FGF12: variants seen among roughly 807,000 people sequenced by gnomAD.
FGF12 encodes fibroblast growth factor 12.
A neutral mutation model predicts 23.6 loss-of-function variants in FGF12; 14 were observed. That is an observed-to-expected ratio of 0.59 (90% CI 0.39 to 0.93). The LOEUF (loss-of-function observed/expected upper bound fraction) is 0.93, where lower values mean the gene tolerates loss of function less well. Ranked by LOEUF, FGF12 falls within the 40% of genes least tolerant of loss-of-function variation. The pLI is 0.00. For missense variants in FGF12, 175 were observed against 217.8 expected, an observed-to-expected ratio of 0.80 and a Z score of 1.24; for synonymous variants, 62 against 77.3, an observed-to-expected ratio of 0.80 and a Z score of 1.04.
chr3:192,190,725 TC>T (rs1464149261), intron 4 of FGF12, among the ~76,000 whole-genome samples: 1 of 152,120 alleles, frequency 6.6e-6, no homozygotes, highest in Non-Finnish European at 1.5e-5. Flanking sequence ...TCCGCCCACC[TC>T]GGCCTCCCAA....
intron 2 of FGF12, among the ~76,000 whole-genome samples, chr3:192,568,376 C>T (rs1378297814): frequency 6.6e-6 from 1 of 152,150 alleles, no homozygotes; most frequent in Non-Finnish European, 1.5e-5. Context: ...ACATTATGGA[C>T]TCCTACCCTT....
At chr3:192,185,970 A>T (rs1466059889) in intron 4 of FGF12, among the ~76,000 whole-genome samples, 1 of 151,708 alleles carries the variant, frequency 6.6e-6, no homozygotes, top group Non-Finnish European at 1.5e-5. Flanking sequence ...AAAAAACATT[A>T]AAAAAATATA....
intron 2 of FGF12, among the ~76,000 whole-genome samples, chr3:192,592,639 T>C (rs1713676219): frequency 6.6e-6 from 1 of 151,876 alleles, no homozygotes; most frequent in Non-Finnish European, 1.5e-5. Flanking sequence ...GGATGCAGGA[T>C]ACTTCACAGG....
At chr3:192,691,811 G>A (rs1467954217) in intron 2 of FGF12, among the ~76,000 whole-genome samples, 2 of 147,912 alleles carry the variant, frequency 1.4e-5, no homozygotes, top group African/African-American at 2.4e-5. Flanking sequence ...AAAAAGACAC[G>A]AGATAAAAAA....
intron 2 of FGF12, among the ~76,000 whole-genome samples, chr3:192,517,523 C>G (rs1461458103): frequency 1.3e-5 from 2 of 152,080 alleles, no homozygotes; most frequent in Non-Finnish European, 2.9e-5. Flanking sequence ...TTCTTATGAC[C>G]AGAGAGGAAA....
chr3:192,453,298 C>G (rs548072320), intron 2 of FGF12, among the ~76,000 whole-genome samples: 1 of 152,266 alleles, frequency 6.6e-6, no homozygotes, highest in African/African-American at 2.4e-5. Flanking sequence ...AATTTGATCA[C>G]ATTTGAAAAT....
chr3:192,311,959 A>G (rs1043038899), intron 4 of FGF12, among the ~76,000 whole-genome samples: 1 of 151,596 alleles, frequency 6.6e-6, no homozygotes, highest in Admixed American at 6.6e-5. Flanking sequence ...CTATCTATCT[A>G]TCTATCTATC....
chr3:192,634,216 T>C (rs79978956), intron 2 of FGF12, among the ~76,000 whole-genome samples: 14,706 of 152,188 alleles, frequency 0.097, 904 homozygotes, highest in Non-Finnish European at 0.14. Flanking sequence ...CATATACACA[T>C]GCGCACATAC....
intron 2 of FGF12, among the ~76,000 whole-genome samples, chr3:192,412,049 T>A (rs1397312171): frequency 6.6e-6 from 1 of 152,078 alleles, no homozygotes; most frequent in East Asian, 1.9e-4. Flanking sequence ...GAAGTGGAAG[T>A]CTGTATGGGT....
intron 2 of FGF12, among the ~76,000 whole-genome samples, chr3:192,382,925 T>C (rs997711040): frequency 7.2e-5 from 11 of 152,170 alleles, no homozygotes; most frequent in African/African-American, 2.4e-4. Context: ...AGAGAACAGA[T>C]AGGAGGATGA....
chr3:192,722,606 C>G (rs565583897), intron 2 of FGF12, among the ~76,000 whole-genome samples: 1 of 152,228 alleles, frequency 6.6e-6, no homozygotes, highest in Non-Finnish European at 1.5e-5. Flanking sequence ...TTTCTGGGAG[C>G]CCTCCTGGTA....
intron 2 of FGF12, among the ~76,000 whole-genome samples, chr3:192,723,747 G>C (rs1429418685): frequency 1.3e-5 from 2 of 151,860 alleles, no homozygotes; most frequent in Non-Finnish European, 2.9e-5. Flanking sequence ...CATTTGAAAA[G>C]CTCTACAGGT....
At chr3:192,186,355 C>T (rs190009445) in intron 4 of FGF12, among the ~76,000 whole-genome samples, 42 of 152,284 alleles carry the variant, frequency 2.8e-4, no homozygotes, top group African/African-American at 8.7e-4. Flanking sequence ...TTCATGACTA[C>T]GTGGTGCCAC....
At chr3:192,302,950 A>C (rs750685119) in intron 4 of FGF12, among the ~76,000 whole-genome samples, 1 of 152,210 alleles carries the variant, frequency 6.6e-6, no homozygotes, top group Non-Finnish European at 1.5e-5. Flanking sequence ...ACAGGATTTT[A>C]AACATGGGAA....
At chr3:192,162,010 A>G (rs1169857567) in intron 5 of FGF12, among the ~76,000 whole-genome samples, 1 of 152,164 alleles carries the variant, frequency 6.6e-6, no homozygotes, top group Admixed American at 6.6e-5. Context: ...AACTCTATAA[A>G]GAACCTCCAT....
In FGF12 at chr3:192,193,909, T is replaced by C. The variant is rs557868643; in HGVS notation, c.229-23253A>G. Among the ~76,000 whole-genome samples the C allele has an allele frequency of 5.2e-4, 79 of 152,322 alleles. No individual in the cohort carries two copies. In the Middle Eastern group the frequency reaches 0.01, roughly 20 times the overall value. On this transcript the variant is annotated intron_variant, in intron 4 of 5. Transcript: ENST00000445105. ...TCGTGTACTTGAGTTTGACTGTGAA[T>C]AAATAGCTTTCTCAACTTTTCTTTC...
At chr3:192,265,146 A>G (rs1713001020) in intron 4 of FGF12, 2 of 152,214 alleles carry the variant, frequency 1.3e-5, no homozygotes, top group Non-Finnish European at 2.9e-5. Flanking sequence ...TAAGTATGAC[A>G]TAACTTTGCT....
chr3:192,460,207 A>C (rs953593622), intron 2 of FGF12, among the ~76,000 whole-genome samples: 2 of 152,178 alleles, frequency 1.3e-5, no homozygotes, highest in Non-Finnish European at 1.5e-5. Flanking sequence ...AGGCAAAGAA[A>C]ATGTAAAGCA....
intron 2 of FGF12, among the ~76,000 whole-genome samples, chr3:192,377,760 A>G (rs1719587468): frequency 6.6e-6 from 1 of 152,212 alleles, no homozygotes; most frequent in South Asian, 2.1e-4. Flanking sequence ...AGCTTGGGAT[A>G]CAATAGGCAG....
Sources: gnomAD v4.1 joint callset for allele counts (sites outside exome capture counted in the v4.1 genomes callset) on GRCh38, gnomAD v4.1.1 for gene constraint, MANE v1.5 for transcripts, NCBI Gene and HGNC (gene_info 2026-07-23, HGNC 2026-07-21) for gene names.